Variants in UBXN2A observed in about 807,000 individuals in gnomAD.
UBXN2A encodes UBX domain-containing protein 2A.
A neutral mutation model predicts 28.4 loss-of-function variants in UBXN2A; 28 were observed. The observed-to-expected ratio is 0.99, with a 90% CI of 0.73 to 1.35. The LOEUF is 1.35. UBXN2A is among the 40% of genes most tolerant of loss of function. The probability of loss-of-function intolerance (pLI) is 0.00; values close to 1 mark genes in which losing one functional copy is unlikely to be tolerated. For missense variants in UBXN2A, 253 were observed against 297.9 expected, an observed-to-expected ratio of 0.85 and a Z score of 1.11; for synonymous variants, 97 against 103.6, an observed-to-expected ratio of 0.94 and a Z score of 0.39.
upstream of UBXN2A, among the ~76,000 whole-genome samples, chr2:23,938,337 A>C (rs1442043712): frequency 6.6e-6 from 1 of 152,064 alleles, no homozygotes; most frequent in African/African-American, 2.4e-5. Context: ...ATGGTGGTGC[A>C]TGCCTATAAT....
At chr2:23,972,148 C>T (rs1478532689) in intron 3 of UBXN2A, among the ~76,000 whole-genome samples, 1 of 152,044 alleles carries the variant, frequency 6.6e-6, no homozygotes. Flanking sequence ...TCACTTTGCA[C>T]TGATATTGCA....
intron 6 of UBXN2A, among the ~76,000 whole-genome samples, chr2:23,999,017 C>A (rs1346044835): frequency 6.6e-6 from 1 of 152,138 alleles, no homozygotes; most frequent in Admixed American, 6.5e-5. Context: ...AATGAATACA[C>A]AGGACTGGGT....
chr2:23,928,363 G>T (rs1705208006), intron 1 of UBXN2A, among the ~76,000 whole-genome samples: 5 of 152,094 alleles, frequency 3.3e-5, no homozygotes, highest in Admixed American at 2.0e-4. Context: ...ATCACTTGAG[G>T]TCAGGAGTTC....
intron 1 of UBXN2A, among the ~76,000 whole-genome samples, chr2:23,945,686 A>T (rs1290353791): frequency 6.6e-6 from 1 of 152,202 alleles, no homozygotes; most frequent in Non-Finnish European, 1.5e-5. Context: ...ATCTAAAAAA[A>T]AGTGGCCAGT....
chr2:23,941,115 A>G (rs968418373), intron 1 of UBXN2A, among the ~76,000 whole-genome samples: 1 of 151,594 alleles, frequency 6.6e-6, no homozygotes, highest in Non-Finnish European at 1.5e-5. Context: ...ACGTTTCCTT[A>G]ATTTCTTCTT....
At chr2:23,992,739 G>A (rs368211528) in intron 6 of UBXN2A, among the ~76,000 whole-genome samples, 2 of 152,126 alleles carry the variant, frequency 1.3e-5, no homozygotes, top group Non-Finnish European at 1.5e-5. Context: ...AATGCTTTTT[G>A]TGTTAAATCT....
intron 1 of UBXN2A, chr2:23,944,442 TCTC>T (rs1381448557): frequency 1.2e-6 from 1 of 866,766 alleles, no homozygotes; most frequent in Non-Finnish European, 1.9e-6. Context: ...TGGGAAAAGT[TCTC>T]CTTATTTGTT....
At chr2:23,997,762 A>C (rs1376188804) in intron 6 of UBXN2A, among the ~76,000 whole-genome samples, 1 of 146,264 alleles carries the variant, frequency 6.8e-6, no homozygotes, top group East Asian at 2.1e-4. Flanking sequence ...GCCTTTATAT[A>C]TTGCATTTGT....
At chr2:23,998,402 A>C (rs1708621386) in intron 6 of UBXN2A, among the ~76,000 whole-genome samples, 1 of 152,206 alleles carries the variant, frequency 6.6e-6, no homozygotes, top group South Asian at 2.1e-4. Context: ...CATTTGAAAA[A>C]TATAAAAGCA....
At chr2:23,952,506 G>A (rs766859049) in intron 1 of UBXN2A, among the ~76,000 whole-genome samples, 4 of 152,070 alleles carry the variant, frequency 2.6e-5, no homozygotes, top group African/African-American at 9.6e-5. Context: ...GTGCAATGGC[G>A]CGATGTCAGC....
At chr2:23,971,017 C>A (rs1056702834) in intron 2 of UBXN2A, among the ~76,000 whole-genome samples, 2 of 152,120 alleles carry the variant, frequency 1.3e-5, no homozygotes, top group Non-Finnish European at 2.9e-5. Context: ...GGTTGGGGAT[C>A]CCAATCTCCA....
chr2:23,957,706 C>T (rs1245256822), intron 1 of UBXN2A, among the ~76,000 whole-genome samples: 3 of 152,186 alleles, frequency 2.0e-5, no homozygotes, highest in East Asian at 1.9e-4. Context: ...TGGTGGCGCA[C>T]GTCCGTAATC....
rs996808731 is a variant in UBXN2A at position 23,990,182 on chromosome 2, C to G, written c.584+5351C>G. ...ATCATCACCCCAGGGCACCCCTTCA[C>G]TGGAATGCCCTCTCACACTGCTTGA... On this transcript the variant is annotated intron_variant, in intron 6 of 6. Coordinates refer to ENST00000309033, the MANE Select transcript of UBXN2A (RefSeq NM_181713.4). 1.1e-4 allele frequency among the ~76,000 whole-genome samples: 16 copies of G among 151,810 alleles called. 1 individual carries two copies. The highest frequency in any genetic ancestry group is 9.2e-4 in the Admixed American group (14 of 15,200).
chr2:23,984,960 G>A, intron 6 of UBXN2A, 129 bp downstream of exon 6: 1 of 979,370 alleles, frequency 1.0e-6, no homozygotes, highest in South Asian at 2.2e-5. Flanking sequence ...AGAGTGCAGT[G>A]GCACAGTCAT....
chr2:23,943,113 G>A (rs560649183), intron 1 of UBXN2A, among the ~76,000 whole-genome samples: 7 of 151,750 alleles, frequency 4.6e-5, no homozygotes, highest in Admixed American at 2.6e-4. Context: ...GCGCCACCAT[G>A]CCTGGCTAGT....
intron 1 of UBXN2A, 144 bp from the exon 2 acceptor site, chr2:23,958,157 T>C: frequency 2.0e-6 from 1 of 508,288 alleles, no homozygotes; most frequent in Non-Finnish European, 3.4e-6. Context: ...ATCATTGCTT[T>C]ATTTTGATGA....
intron 6 of UBXN2A, among the ~76,000 whole-genome samples, chr2:23,985,322 C>T (rs1206861494): frequency 6.6e-6 from 1 of 151,684 alleles, no homozygotes; most frequent in African/African-American, 2.4e-5. Flanking sequence ...GATCTCAGCT[C>T]ACTGCAACCT....
chr2:23,946,254 G>A (rs753150450), intron 1 of UBXN2A, among the ~76,000 whole-genome samples: 10 of 152,006 alleles, frequency 6.6e-5, no homozygotes, highest in Non-Finnish European at 1.3e-4. Context: ...CCGGGTTCAA[G>A]CGATTCTCCC....
At chr2:23,929,052 C>T (rs1705288063) in intron 1 of UBXN2A, among the ~76,000 whole-genome samples, 1 of 152,116 alleles carries the variant, frequency 6.6e-6, no homozygotes, top group Non-Finnish European at 1.5e-5. Flanking sequence ...CACTTGGAGG[C>T]CGAGGCGGGA....
Sources: gnomAD v4.1 joint callset for allele counts (sites outside exome capture counted in the v4.1 genomes callset) on GRCh38, gnomAD v4.1.1 for gene constraint, MANE v1.5 for transcripts, NCBI Gene and HGNC (gene_info 2026-07-23, HGNC 2026-07-21) for gene names.